ACTN2: variants seen among roughly 807,000 people sequenced by gnomAD.
The protein encoded by ACTN2 is actinin alpha 2, also known as alpha-actinin-2.
In ACTN2, 39 loss-of-function variants were observed where a neutral mutation model predicts 113.8. The observed-to-expected ratio is 0.34, with a 90% CI of 0.27 to 0.45. The LOEUF is 0.45. ACTN2 is among the 20% of genes least tolerant of loss of function. The pLI is 1.00. For missense variants in ACTN2, 992 were observed against 1,177.9 expected (o/e 0.84, Z 2.31); for synonymous variants, 429 against 444.1 (o/e 0.97, Z 0.43).
At chr1:236,759,582 C>T (rs1483167562) in intron 18 of ACTN2, 142 bp from the exon 19 acceptor site, 2 of 726,922 alleles carry the variant, frequency 2.8e-6, no homozygotes, top group Non-Finnish European at 5.1e-6. Flanking sequence ...CTGGCTCCAT[C>T]CTTCTCGCAA....
At chr1:236,729,513 G>A (rs928580898) in intron 6 of ACTN2, among the ~76,000 whole-genome samples, 5 of 152,096 alleles carry the variant, frequency 3.3e-5, no homozygotes, top group Non-Finnish European at 7.4e-5. Flanking sequence ...GACCTCACTC[G>A]TGTGGCATGG....
chr1:236,694,220 C>CTTTT (rs540449597), intron 1 of ACTN2, among the ~76,000 whole-genome samples: 4 of 134,430 alleles, frequency 3.0e-5, no homozygotes, highest in Admixed American at 7.5e-5. Flanking sequence ...TTTTTCTTTT[C>CTTTT]TTTTTTTTTT....
chr1:236,695,375 C>CAA (rs34546199), intron 1 of ACTN2, among the ~76,000 whole-genome samples: 10 of 41,140 alleles, frequency 2.4e-4, no homozygotes, highest in Non-Finnish European at 4.2e-4. Flanking sequence ...GAGACTGTCT[C>CAA]AAAAAAAAAA....
At chr1:236,707,034 G>T (rs1222772139) in intron 1 of ACTN2, among the ~76,000 whole-genome samples, 1 of 152,226 alleles carries the variant, frequency 6.6e-6, no homozygotes, top group African/African-American at 2.4e-5. Context: ...CTTTTTACAA[G>T]AGTTAATTTT....
intron 7 of ACTN2, 32 bp from the exon 8 acceptor site, chr1:236,735,603 C>T (rs758595380): frequency 1.6e-4 from 242 of 1,474,506 alleles, no homozygotes; most frequent in Middle Eastern, 6.9e-4. Flanking sequence ...TGTGTGTGTG[C>T]GCGCGTCCTG....
intron 1 of ACTN2, among the ~76,000 whole-genome samples, chr1:236,712,546 T>C (rs561693747): frequency 9.6e-4 from 146 of 152,284 alleles, no homozygotes; most frequent in African/African-American, 3.3e-3. Context: ...AAAGGTAATA[T>C]CAACTCAGGA....
rs542190609 is a variant in ACTN2, at chr1:236,710,484, T to C, written c.127-7374T>C. Among the ~76,000 whole-genome samples, 4 of 152,322 alleles carry C rather than the reference T, an allele frequency of 2.6e-5. No individual in the cohort carries two copies. In the South Asian group the frequency reaches 8.3e-4, roughly 32 times the overall value. ...CTTTGCTAGCAAGTCCTCCAAGCCA[T>C]TGAATGAGACTGACAATTGTAGCCA... On this transcript the variant is annotated intron_variant, in intron 1 of 20. Transcript: ENST00000366578.
intron 3 of ACTN2, 152 bp from the exon 4 acceptor site, chr1:236,719,953 A>C: frequency 1.6e-6 from 1 of 643,354 alleles, no homozygotes; most frequent in South Asian, 1.9e-5. Context: ...ATTTATAACC[A>C]GACATACTGC....
At position 236,763,517 on chromosome 1, in the gene ACTN2, C is replaced by G. The variant is rs1274074530; in HGVS notation, c.*898C>G. ...TAGTACTGACTGGTTCATCACAAGG[C>G]AAGTCAGAAACCAGTATCCTTCTAG... On this transcript the variant is annotated 3_prime_UTR_variant, in exon 21 of 21. Coordinates refer to ENST00000366578, the MANE Select transcript of ACTN2 (RefSeq NM_001103.4). The G allele has an allele frequency of 6.6e-6, 1 of 152,222 alleles. No homozygotes were observed. The highest frequency in any genetic ancestry group is 1.5e-5 in the Non-Finnish European group (1 of 68,062). 9.4% of individuals were successfully genotyped at this position (152,222 alleles called of 1,614,324 possible).
intron 1 of ACTN2, among the ~76,000 whole-genome samples, chr1:236,697,934 ATTTT>A (rs35264789): frequency 1.6e-5 from 2 of 127,284 alleles, no homozygotes; most frequent in Admixed American, 8.0e-5. Flanking sequence ...TAATTTTCGT[ATTTT>A]TTTTTTTTTT....
At chr1:236,746,113 C>A (rs1246532511) in intron 12 of ACTN2, among the ~76,000 whole-genome samples, 1 of 143,088 alleles carries the variant, frequency 7.0e-6, no homozygotes, top group Non-Finnish European at 1.5e-5. Context: ...TTGCAGTGAG[C>A]CGAGATCAGG....
At chr1:236,758,258 A>T (rs1489940895) in intron 18 of ACTN2, among the ~76,000 whole-genome samples, 1 of 151,246 alleles carries the variant, frequency 6.6e-6, no homozygotes, top group East Asian at 1.9e-4. Context: ...GCTGGAAGTG[A>T]GTGACTATTA....
Position 236,718,928 on chromosome 1 carries a change from G to A in ACTN2, c.276G>A (p.Met92Ile). 1 of 1,614,198 alleles carries A rather than the reference G, an allele frequency of 6.2e-7. No individual in the cohort carries two copies. Among genetic ancestry groups the A allele is most frequent in the East Asian group, 2.2e-5 (1 of 44,884 alleles). ...TGCCCAAACCTGACCGGGGAAAAATGCGGTTCCACAAAATTGCTAATGTCA... is the reference window on the plus strand; with the variant it reads ...TGCCCAAACCTGACCGGGGAAAAATACGGTTCCACAAAATTGCTAATGTCA... ...ERLPKPDRGKMRFHKIANVNK... is the reference protein window; with the variant it reads ...ERLPKPDRGKIRFHKIANVNK... The change falls in exon 3 of 21, where the codon ATG becomes ATA. Residue 92 changes from methionine (M) to isoleucine (I), a missense_variant. Around this residue, in one of 3 missense-constraint regions of ACTN2, gnomAD observed 220 missense variants for 337.5 expected, o/e 0.65. Transcript: ENST00000366578.
intron 11 of ACTN2, among the ~76,000 whole-genome samples, chr1:236,743,743 G>A (rs1221708338): frequency 6.6e-6 from 1 of 152,162 alleles, no homozygotes; most frequent in East Asian, 1.9e-4. Context: ...TAGACAGGTA[G>A]TTACAAGCAA....
intron 4 of ACTN2, among the ~76,000 whole-genome samples, chr1:236,721,015 G>GGTTCTTTTTTTT: frequency 2.0e-5 from 1 of 49,138 alleles, no homozygotes; most frequent in Non-Finnish European, 3.4e-5. Flanking sequence ...TCTGGTTTTT[G>GGTTCTTTTTTTT]TTTTTTGTTT....
Position 236,737,186 on chromosome 1 carries a change from T to C in ACTN2, c.848T>C (p.Met283Thr), listed in dbSNP as rs1444113471. ...LAVNQENERL[M>T]EEYERLASEL... ...GTGAATCAAGAGAATGAGAGGCTGA[T>C]GGAAGAATATGAGAGGCTAGCGAGT... The change falls in exon 9 of 21, where the codon ATG becomes ACG. Residue 283 changes from methionine (M) to threonine (T), a missense_variant. By Grantham distance (81) the Met-to-Thr change is moderately conservative. Coordinates refer to ENST00000366578, the MANE Select transcript of ACTN2 (RefSeq NM_001103.4). 1 of 1,601,740 alleles carries C rather than the reference T, an allele frequency of 6.2e-7. No homozygotes were observed. The highest frequency in any genetic ancestry group is 1.1e-5 in the South Asian group (1 of 90,858).
chr1:236,759,882 C>T (rs1659655518), intron 19 of ACTN2, 93 bp downstream of exon 19: 2 of 1,175,378 alleles, frequency 1.7e-6, no homozygotes, highest in Admixed American at 3.5e-5. Context: ...CAAGGTAGTG[C>T]ATTTGGGATT....
At chr1:236,694,710 C>T (rs1453866334) in intron 1 of ACTN2, among the ~76,000 whole-genome samples, 1 of 152,026 alleles carries the variant, frequency 6.6e-6, no homozygotes, top group East Asian at 1.9e-4. Context: ...TAAAAATGTT[C>T]TCTTGAAGTA....
intron 1 of ACTN2, among the ~76,000 whole-genome samples, chr1:236,709,218 C>CTG (rs200979652): frequency 0.013 from 739 of 57,196 alleles, 17 homozygotes; most frequent in African/African-American, 0.037. Context: ...TGACAAATGA[C>CTG]TGTATATATA....
Sources: allele counts gnomAD v4.1 joint callset (sites outside exome capture counted in the v4.1 genomes callset), GRCh38; gene constraint gnomAD v4.1.1; regional missense constraint gnomAD v4.1.1; transcripts MANE v1.5; gene names NCBI Gene and HGNC (gene_info 2026-07-23, HGNC 2026-07-21).